Variants in ADAM20 observed in about 807,000 individuals in gnomAD.
ADAM20 encodes the protein ADAM metallopeptidase domain 20, also known as disintegrin and metalloproteinase domain-containing protein 20.
For missense variants in ADAM20, 871 were observed against 883.2 expected, an observed-to-expected ratio of 0.99 and a Z score of 0.18; for synonymous variants, 305 against 310.2, an observed-to-expected ratio of 0.98 and a Z score of 0.18.
At chr14:70,560,005 C>T in the ADAM20 span, among the ~76,000 whole-genome samples, 3 of 152,134 alleles carry the variant, frequency 2.0e-5, no homozygotes, top group African/African-American at 2.4e-5. Flanking sequence ...TAATTCACTA[C>T]ATTAAGAATA....
upstream of ADAM20, among the ~76,000 whole-genome samples, chr14:70,539,129 G>A (rs1164825468): frequency 1.3e-5 from 2 of 151,448 alleles, no homozygotes; most frequent in Non-Finnish European, 2.9e-5. Context: ...ATGAATGGAC[G>A]TGCAGTCAGA....
the ADAM20 span, among the ~76,000 whole-genome samples, chr14:70,561,522 C>T: frequency 6.6e-6 from 1 of 152,238 alleles, no homozygotes; most frequent in African/African-American, 2.4e-5. Flanking sequence ...CTGTTAATAG[C>T]CAAGACAATG....
Position 70,523,822 on chromosome 14 carries a change from A to G in ADAM20, c.936T>C (p.Tyr312=). The G allele has an allele frequency of 1.2e-6, 2 of 1,614,094 alleles. No homozygotes were observed. Among genetic ancestry groups the G allele is most frequent in the Admixed American group, 1.7e-5 (1 of 59,988 alleles). ...DTQGMKLGVA[Y]VKGICQNPFN... is the part of the protein sequence containing the mutation. Reference sequence around the variant, plus strand: ...AAGGATTCTGGCATATTCCTTTAACATAGGCAACACCAAGCTTCATGCCTT... The same window carrying G: ...AAGGATTCTGGCATATTCCTTTAACGTAGGCAACACCAAGCTTCATGCCTT... The change falls in exon 2 of 2, where the codon TAT becomes TAC. Residue 312 remains tyrosine (Y), a synonymous_variant. Coordinates refer to ENST00000256389, the MANE Select transcript of ADAM20 (RefSeq NM_003814.5).
At chr14:70,555,876 C>T in the ADAM20 span, among the ~76,000 whole-genome samples, 29 of 152,252 alleles carry the variant, frequency 1.9e-4, no homozygotes, top group African/African-American at 6.7e-4. Flanking sequence ...TCCGTTAAAC[C>T]TCTCTCCTGC....
At chr14:70,569,573 C>T in the ADAM20 span, among the ~76,000 whole-genome samples, 4 of 152,012 alleles carry the variant, frequency 2.6e-5, no homozygotes, top group African/African-American at 9.7e-5. Context: ...AATGGAAAAA[C>T]ATCTATCATG....
the ADAM20 span, among the ~76,000 whole-genome samples, chr14:70,555,365 C>T: frequency 6.6e-6 from 1 of 152,058 alleles, no homozygotes; most frequent in Non-Finnish European, 1.5e-5. Flanking sequence ...AAGTGTATAT[C>T]AAATCATCAA....
intron 1 of ADAM20, among the ~76,000 whole-genome samples, chr14:70,529,596 G>C (rs188867487): frequency 8.3e-4 from 127 of 152,236 alleles, no homozygotes; most frequent in Non-Finnish European, 1.5e-3. Context: ...AATACTATAG[G>C]CAACTGGAAT....
chr14:70,573,350 T>C, the ADAM20 span, among the ~76,000 whole-genome samples: 1 of 152,166 alleles, frequency 6.6e-6, no homozygotes, highest in African/African-American at 2.4e-5. Flanking sequence ...AAATACTGCA[T>C]GCTCTCACTT....
At chr14:70,553,539 A>C in the ADAM20 span, among the ~76,000 whole-genome samples, 8 of 149,242 alleles carry the variant, frequency 5.4e-5, no homozygotes, top group South Asian at 2.1e-4. Context: ...AAAAAAAAAA[A>C]AAAAAAAAAC....
the ADAM20 span, among the ~76,000 whole-genome samples, chr14:70,571,653 A>G: frequency 6.6e-6 from 1 of 152,214 alleles, no homozygotes; most frequent in African/African-American, 2.4e-5. Flanking sequence ...AGACAAGAGA[A>G]AGAAACAATA....
At chr14:70,526,396 C>T (rs1315361109) in intron 1 of ADAM20, among the ~76,000 whole-genome samples, 2 of 152,096 alleles carry the variant, frequency 1.3e-5, no homozygotes, top group African/African-American at 4.8e-5. Context: ...ATCAGGATCA[C>T]TAGATGAGAC....
chr14:70,522,699 C>T lies in ADAM20; in HGVS notation c.2059G>A (p.Val687Met), dbSNP rs909128038. The T allele has an allele frequency of 8.1e-6, 13 of 1,613,926 alleles. No homozygotes were observed. In the East Asian group the frequency reaches 1.3e-4, roughly 17 times the overall value. ...GACAGGTAACGCAACTTTCCCATCACATTTAATCCTTCCATGTTGTTCTTA... is the reference window on the plus strand; with the variant it reads ...GACAGGTAACGCAACTTTCCCATCATATTTAATCCTTCCATGTTGTTCTTA... ...PPKNNMEGLN[V>M]MGKLRYLSLL... is the part of the protein sequence containing the mutation. The change falls in exon 2 of 2, where the codon GTG becomes ATG. Residue 687 changes from valine to methionine, a missense_variant. By Grantham distance (21) the Val-to-Met change is conservative. Transcript: ENST00000256389.
the ADAM20 span, among the ~76,000 whole-genome samples, chr14:70,571,893 C>T: frequency 6.6e-6 from 1 of 151,866 alleles, no homozygotes; most frequent in African/African-American, 2.4e-5. Context: ...TAGCCACACA[C>T]AAAAAATAAG....
the ADAM20 span, among the ~76,000 whole-genome samples, chr14:70,563,046 T>C: frequency 2.3e-4 from 35 of 152,220 alleles, no homozygotes; most frequent in Non-Finnish European, 5.1e-4. Flanking sequence ...TCAATCAGCT[T>C]TGGATTCATA....
chr14:70,577,713 G>A, the ADAM20 span, among the ~76,000 whole-genome samples: 4 of 152,078 alleles, frequency 2.6e-5, no homozygotes, highest in Admixed American at 6.6e-5. Context: ...ATGGACCAAC[G>A]GAATACCATA....
the ADAM20 span, among the ~76,000 whole-genome samples, chr14:70,561,246 G>A: frequency 6.6e-6 from 1 of 152,186 alleles, no homozygotes; most frequent in Admixed American, 6.5e-5. Context: ...ATGTAACTTT[G>A]GACTTGAGAG....
chr14:70,524,151 A>G lies in ADAM20; in HGVS notation c.607T>C (p.Trp203Arg), dbSNP rs565846737. The change falls in exon 2 of 2, where the codon TGG becomes CGG. Residue 203 changes from tryptophan (W) to arginine (R), a missense_variant. Coordinates refer to ENST00000256389, the MANE Select transcript of ADAM20 (RefSeq NM_003814.5). ...AGCTCAACAAACCGCTGATGGGTCCACCAGCCCACAAAAGAACTTTGCTTC... is the reference window on the plus strand; with the variant it reads ...AGCTCAACAAACCGCTGATGGGTCCGCCAGCCCACAAAAGAACTTTGCTTC... ...TLKQSSFVGW[W>R]THQRFVELVV... The G allele has an allele frequency of 6.2e-6, 10 of 1,613,892 alleles. 1 individual carries two copies. In the South Asian group the frequency reaches 7.7e-5, roughly 12 times the overall value.
intron 1 of ADAM20, among the ~76,000 whole-genome samples, chr14:70,526,100 T>G (rs1229854380): frequency 6.6e-6 from 1 of 152,206 alleles, no homozygotes; most frequent in African/African-American, 2.4e-5. Context: ...TGAGTAGACT[T>G]AAAAACCTCA....
Position 70,523,798 on chromosome 14 carries a change from A to C in ADAM20, c.960T>G (p.Pro320=). ...CAAAAACATCAACTCCAGTATTAAA[A>C]GGATTCTGGCATATTCCTTTAACAT... ...VAYVKGICQN[P]FNTGVDVFED... The change falls in exon 2 of 2, where the codon CCT becomes CCG. Residue 320 remains proline, a synonymous_variant. Coordinates refer to ENST00000256389, the MANE Select transcript of ADAM20 (RefSeq NM_003814.5). The C allele has an allele frequency of 1.2e-6, 2 of 1,614,110 alleles. No individual in the cohort carries two copies.
Sources: gnomAD v4.1 joint callset for allele counts (sites outside exome capture counted in the v4.1 genomes callset) on GRCh38, gnomAD v4.1.1 for gene constraint, MANE v1.5 for transcripts, NCBI Gene and HGNC (gene_info 2026-07-23, HGNC 2026-07-21) for gene names.